The following NDST2 variants were observed in gnomAD, a reference collection of about 807,000 sequenced individuals.
The protein encoded by NDST2 is bifunctional heparan sulfate N-deacetylase/N-sulfotransferase 2.
NDST2 carries 32 observed loss-of-function variants against 86.9 expected under a neutral mutation model. The ratio of observed to expected loss-of-function variants is 0.37; its 90% CI spans 0.28 to 0.49. The LOEUF is 0.49. NDST2 is among the 20% of genes least tolerant of loss of function. The pLI, the probability that NDST2 is intolerant of heterozygous loss-of-function variation, is 0.97. For missense variants in NDST2, 950 were observed against 1,146.9 expected, an observed-to-expected ratio of 0.83 and a Z score of 2.48; for synonymous variants, 409 against 437.0, an observed-to-expected ratio of 0.94 and a Z score of 0.80.
At chr10:73,807,347 T>C (rs778953036) in intron 3 of NDST2, 37 bp downstream of exon 3, 3 of 1,608,216 alleles carry the variant, frequency 1.9e-6, no homozygotes, top group African/African-American at 1.3e-5. Context: ...AGAGTGTGAA[T>C]AGCTTCTAAG....
At position 73,805,966 on chromosome 10, in the gene NDST2, T is replaced by C. The variant is rs775045041; in HGVS notation, c.1497A>G (p.Gly499=). The C allele has an allele frequency of 1.2e-6, 2 of 1,614,150 alleles. No homozygotes were observed. Among genetic ancestry groups the C allele is most frequent in the East Asian group, 4.5e-5 (2 of 44,878 alleles). ...THTIFYNEYP[G]GSRELDRSIR... is the part of the protein sequence containing the mutation. ...TGCTCCGGTCTAGTTCACGAGAGCCTCCAGGATACTCATTATAGAAGATTG... is the reference window on the plus strand; with the variant it reads ...TGCTCCGGTCTAGTTCACGAGAGCCCCCAGGATACTCATTATAGAAGATTG... The change falls in exon 7 of 15, where the codon GGA becomes GGG. Residue 499 remains glycine, a synonymous_variant. Coordinates refer to ENST00000309979, the MANE Select transcript of NDST2 (RefSeq NM_003635.4).
chr10:73,808,492 T>C lies in NDST2; in HGVS notation c.-104A>G, dbSNP rs111226863. On this transcript the variant is annotated 5_prime_UTR_variant, in exon 3 of 15. Coordinates refer to ENST00000309979, the MANE Select transcript of NDST2 (RefSeq NM_003635.4). This position sits in a 1 kb window ranked among gnomAD's most constrained non-coding sequence, Gnocchi z 4.3. ...TTGGAAGGGTAGAAGGATAGGAAAATAGGGGACAGGGATTCCCTTGGGGAG... is the reference window on the plus strand; with the variant it reads ...TTGGAAGGGTAGAAGGATAGGAAAACAGGGGACAGGGATTCCCTTGGGGAG... 6 of 1,167,302 alleles carry C rather than the reference T, an allele frequency of 5.1e-6. No homozygotes were observed. The African/African-American group carries it at 6.2e-5, about 12-fold the overall frequency. 72.3% of individuals were successfully genotyped at this position (1,167,302 alleles called of 1,614,324 possible).
Position 73,808,118 on chromosome 10 carries a change from C to A in NDST2, c.271G>T (p.Val91Leu), listed in dbSNP as rs142774031. The A allele has an allele frequency of 7.0e-5, 113 of 1,614,122 alleles. No individual in the cohort carries two copies. Among genetic ancestry groups the A allele is most frequent in the African/African-American group, 2.1e-4 (16 of 74,936 alleles). Residue 91 changes from valine to leucine, a missense_variant, in exon 3 of 15, where the codon GTG (valine) becomes TTG (leucine). This residue lies in a region of NDST2 where 586 missense variants were observed against 714.0 expected (regional missense o/e 0.82). Coordinates refer to ENST00000309979, the MANE Select transcript of NDST2 (RefSeq NM_003635.4). The surrounding 1 kb of genome is among the most constrained non-coding windows in gnomAD (Gnocchi z 4.3). Reference sequence around the variant, plus strand: ...CCCAGCTGTGAGTATGCACTCTCCACAAACACAAGGACCACGGGTTCAGTT... The same window carrying A: ...CCCAGCTGTGAGTATGCACTCTCCAAAAACACAAGGACCACGGGTTCAGTT... ...ARTEPVVLVFVESAYSQLGQE... is the reference protein window; with the variant it reads ...ARTEPVVLVFLESAYSQLGQE...
chr10:73,806,671 T>C lies in NDST2; in HGVS notation c.1234A>G (p.Lys412Glu), dbSNP rs1162787431. The C allele has an allele frequency of 1.9e-6, 3 of 1,613,872 alleles. No homozygotes were observed. Among genetic ancestry groups the C allele is most frequent in the Non-Finnish European group, 2.5e-6 (3 of 1,179,888 alleles). ...AAGGGTCTCACCAGAGCAAACTGTT[T>C]GTTGAGCCTCATCTGGTCAGCCAGC... ...SVLADQMRLN[K>E]QFALEHGIPT... Residue 412 changes from lysine to glutamate, a missense_variant, in exon 5 of 15, where the codon AAA (lysine) becomes GAA (glutamate). Physicochemically the swap from Lys to Glu is moderately conservative, Grantham distance 56. Around this residue, in one of 5 missense-constraint regions of NDST2, gnomAD observed 586 missense variants for 714.0 expected, o/e 0.82. Transcript: ENST00000309979. This position sits in a 1 kb window ranked among gnomAD's most constrained non-coding sequence, Gnocchi z 4.5.
In NDST2 at chr10:73,803,076, C is replaced by T. The variant is rs2084027071; in HGVS notation, c.2319G>A (p.Leu773=). ...TACGCAGCTCTTGCCCATCCACAATCAGCAACTAAAAGGACAGGGATGTGG... is the reference window on the plus strand; with the variant it reads ...TACGCAGCTCTTGCCCATCCACAATTAGCAACTAAAAGGACAGGGATGTGG... The part of the protein sequence containing the change: ...WLTYYPSGQL[L]IVDGQELRTN... The change falls in exon 13 of 15, where the codon CTG becomes CTA. Residue 773 remains leucine, a synonymous_variant. Coordinates refer to ENST00000309979, the MANE Select transcript of NDST2 (RefSeq NM_003635.4). 1 of 1,614,082 alleles carries T rather than the reference C, an allele frequency of 6.2e-7. No individual in the cohort carries two copies. The highest frequency in any genetic ancestry group is 1.7e-5 in the Admixed American group (1 of 60,002).
rs776174529 is a variant in NDST2, at chr10:73,802,447, G to A, written c.*4C>T. 6.8e-6 allele frequency: 11 copies of A among 1,612,390 alleles called. No homozygotes were observed. In the Admixed American group the frequency reaches 1.7e-4, roughly 24 times the overall value. On this transcript the variant is annotated 3_prime_UTR_variant, in exon 15 of 15. Coordinates refer to ENST00000309979, the MANE Select transcript of NDST2 (RefSeq NM_003635.4). ...GCATTTTGCTGGTATGGGAGGCTGGGACATCAGCCCAGACTGGAATGCTGC... is the reference window on the plus strand; with the variant it reads ...GCATTTTGCTGGTATGGGAGGCTGGAACATCAGCCCAGACTGGAATGCTGC...
In NDST2 at chr10:73,806,246, A is replaced by G. The variant is rs1565097965; in HGVS notation, c.1434+43T>C. 1 of 1,608,432 alleles carries G rather than the reference A, an allele frequency of 6.2e-7. No individual in the cohort carries two copies. On this transcript the variant is annotated intron_variant, in intron 6 of 14. Transcript: ENST00000309979. This position sits in a 1 kb window ranked among gnomAD's most constrained non-coding sequence, Gnocchi z 4.5. ...GGTCAATGCATGTTGAAAGCTGTCT[A>G]AATGTTAGAGTTTGATTCAAGCCTG...
chr10:73,810,737 G>A (rs752857231), intron 2 of NDST2, 62 bp downstream of exon 2: 1 of 398,274 alleles, frequency 2.5e-6, no homozygotes, highest in Non-Finnish European at 4.4e-6. Context: ...TAAGAGGTAG[G>A]GAAAAGGTAC....
chr10:73,802,180 A>T lies in NDST2; in HGVS notation c.*271T>A. 1 of 556,466 alleles carries T rather than the reference A, an allele frequency of 1.8e-6. No individual in the cohort carries two copies. Among genetic ancestry groups the T allele is most frequent in the Non-Finnish European group, 3.2e-6 (1 of 311,536 alleles). 34.5% of individuals were successfully genotyped at this position (556,466 alleles called of 1,614,324 possible). On this transcript the variant is annotated 3_prime_UTR_variant, in exon 15 of 15. Transcript: ENST00000309979. ...TCATTGGACTAATACATTCCCCTACACCCTGCCTGGACCCTCTCATTCCTC... is the reference window on the plus strand; with the variant it reads ...TCATTGGACTAATACATTCCCCTACTCCCTGCCTGGACCCTCTCATTCCTC...
At chr10:73,811,806 C>T (rs1198949898), upstream of NDST2, 3 of 152,224 alleles carry the variant, frequency 2.0e-5, no homozygotes, top group Admixed American at 6.5e-5. Context: ...CCCCTCCTCT[C>T]CGCGCGATGG....
In NDST2 at chr10:73,807,066, G is replaced by A. The variant is rs774508319; in HGVS notation, c.1093+42C>T. 2.0e-5 allele frequency: 32 copies of A among 1,573,986 alleles called. No individual in the cohort carries two copies. The East Asian group carries it at 6.7e-4, about 33-fold the overall frequency. ...AGGGAGGTGGACAGTGAAGGGACAGGTCAAACTATGATATGCCAAAGGAGT... is the reference window on the plus strand; with the variant it reads ...AGGGAGGTGGACAGTGAAGGGACAGATCAAACTATGATATGCCAAAGGAGT... On this transcript the variant is annotated intron_variant, in intron 4 of 14. Transcript: ENST00000309979.
chr10:73,804,900 CTATT>C (rs1466417400), intron 8 of NDST2, 31 bp from the exon 9 acceptor site: 44 of 1,320,844 alleles, frequency 3.3e-5, no homozygotes, highest in Non-Finnish European at 4.5e-5. Context: ...CAGATAAGGC[CTATT>C]TTTTTTTTTT....
In NDST2 at chr10:73,808,830, ATC is replaced by A. The variant is rs1453338045; in HGVS notation, c.-341-103_-341-102del. 1.3e-5 allele frequency: 2 copies of A among 153,070 alleles called. No homozygotes were observed. The highest frequency in any genetic ancestry group is 1.3e-4 in the Admixed American group (2 of 15,602). 9.5% of individuals were successfully genotyped at this position (153,070 alleles called of 1,614,324 possible). Reference sequence around the variant, plus strand: ...TCTCTTACCTCCTGCTTACTGGATAATCTGTTCTCAAAAAAAAAAAAAAAAAA... The same window carrying A: ...TCTCTTACCTCCTGCTTACTGGATAATGTTCTCAAAAAAAAAAAAAAAAAA... On this transcript the variant is annotated intron_variant, in intron 2 of 14. Coordinates refer to ENST00000309979, the MANE Select transcript of NDST2 (RefSeq NM_003635.4). The surrounding 1 kb of genome is among the most constrained non-coding windows in gnomAD (Gnocchi z 4.3).
intron 9 of NDST2, 56 bp from the exon 10 acceptor site, chr10:73,804,072 C>G: frequency 6.3e-7 from 1 of 1,581,454 alleles, no homozygotes; most frequent in Non-Finnish European, 8.6e-7. Context: ...GAAGCCAGCT[C>G]AACAGCATAA....
Position 73,808,430 on chromosome 10 carries a change from G to C in NDST2, c.-42C>G, listed in dbSNP as rs1451375419. 1 of 1,529,774 alleles carries C rather than the reference G, an allele frequency of 6.5e-7. No homozygotes were observed. Among genetic ancestry groups the C allele is most frequent in the South Asian group, 1.3e-5 (1 of 79,268 alleles). 94.8% of individuals were successfully genotyped at this position (1,529,774 alleles called of 1,614,324 possible). A position where few individuals can be genotyped will look rare whatever the true frequency, so the allele number is the denominator to read the frequency against. Reference sequence around the variant, plus strand: ...GAGGGAGGAATGGGGACCACCTCAGGGGATGGGAGGTAGGAGTTCTATAGG... The same window carrying C: ...GAGGGAGGAATGGGGACCACCTCAGCGGATGGGAGGTAGGAGTTCTATAGG... On this transcript the variant is annotated 5_prime_UTR_variant, in exon 3 of 15. Coordinates refer to ENST00000309979, the MANE Select transcript of NDST2 (RefSeq NM_003635.4). This position sits in a 1 kb window ranked among gnomAD's most constrained non-coding sequence, Gnocchi z 4.3.
rs191641452 is a variant in NDST2 at position 73,810,409 on chromosome 10, G to A, written c.-342+390C>T. ...GGAGGCGGAAATTGCAGTGAGCTGA[G>A]ATTGTGCCACTGTACTCCAGCCTGG... is the stretch of plus-strand genomic sequence containing the variant. On this transcript the variant is annotated intron_variant, in intron 2 of 14. Coordinates refer to ENST00000309979, the MANE Select transcript of NDST2 (RefSeq NM_003635.4). Among the ~76,000 whole-genome samples, 921 of 152,138 alleles carry A rather than the reference G, an allele frequency of 6.1e-3. 5 individuals are homozygous for A. Among genetic ancestry groups the A allele is most frequent in the Middle Eastern group, 0.01 (3 of 294 alleles).
At position 73,803,202 on chromosome 10, in the gene NDST2, T is replaced by C; in HGVS notation, c.2300A>G (p.Tyr767Cys). The change falls in exon 12 of 15, where the codon TAC (tyrosine) becomes TGC (cysteine). Residue 767 changes from tyrosine (Y) to cysteine (C), a missense_variant. Transcript: ENST00000309979. The stretch of plus-strand genomic sequence containing the variant: ...TGGGGATTATACCTGTCCAGAGGGG[T>C]AGTAAGTCAGCCAGCGTTGTAGATG... ...STHLQRWLTYYPSGQLLIVDG... is the reference protein window; with the variant it reads ...STHLQRWLTYCPSGQLLIVDG... 4 of 1,613,806 alleles carry C rather than the reference T, an allele frequency of 2.5e-6. No individual in the cohort carries two copies. Among genetic ancestry groups the C allele is most frequent in the Non-Finnish European group, 3.4e-6 (4 of 1,179,976 alleles).
rs558327924 is a variant in NDST2, at chr10:73,807,509, C to T, written c.880G>A (p.Val294Ile). 54 of 1,614,118 alleles carry T rather than the reference C, an allele frequency of 3.3e-5. 1 individual carries two copies. Among genetic ancestry groups the T allele is most frequent in the South Asian group, 2.6e-4 (24 of 91,080 alleles). Reference sequence around the variant, plus strand: ...CCAGTGAGGTATGCAACAGCATCAACGAAGATAAGTTTGTGGAGCCAGAAG... The same window carrying T: ...CCAGTGAGGTATGCAACAGCATCAATGAAGATAAGTTTGTGGAGCCAGAAG... ...LSFWLHKLIF[V>I]DAVAYLTGKR... is the part of the protein sequence containing the mutation. The change falls in exon 3 of 15, where the codon GTT (valine) becomes ATT (isoleucine). Residue 294 changes from valine to isoleucine, a missense_variant. Coordinates refer to ENST00000309979, the MANE Select transcript of NDST2 (RefSeq NM_003635.4).
In NDST2 at chr10:73,805,933, A is replaced by G; in HGVS notation, c.1530T>C (p.Gly510=). 2 of 1,614,104 alleles carry G rather than the reference A, an allele frequency of 1.2e-6. No homozygotes were observed. The highest frequency in any genetic ancestry group is 4.5e-5 in the East Asian group (2 of 44,884). ...GCAGCACTGTCAGAAAGAGCTCTCC[A>G]CCTCGGATGCTCCGGTCTAGTTCAC... ...GSRELDRSIR[G]GELFLTVLLN... The change falls in exon 7 of 15, where the codon GGT becomes GGC. Residue 510 remains glycine, a synonymous_variant. Coordinates refer to ENST00000309979, the MANE Select transcript of NDST2 (RefSeq NM_003635.4).
Sources: allele counts gnomAD v4.1 joint callset (sites outside exome capture counted in the v4.1 genomes callset), GRCh38; gene constraint gnomAD v4.1.1; regional missense constraint gnomAD v4.1.1; non-coding constraint Gnocchi (gnomAD v3.1); transcripts MANE v1.5; gene names NCBI Gene and HGNC (gene_info 2026-07-23, HGNC 2026-07-21).